SIGLEC9: variants seen among roughly 807,000 people sequenced by gnomAD.
SIGLEC9 encodes sialic acid binding Ig like lectin 9.
A neutral mutation model predicts 38.3 loss-of-function variants in SIGLEC9; 26 were observed. The ratio of observed to expected loss-of-function variants is 0.68; its 90% CI spans 0.50 to 0.94. SIGLEC9 has a LOEUF of 0.94. SIGLEC9 is among the 40% of genes least tolerant of loss of function. The pLI, the probability that SIGLEC9 is intolerant of heterozygous loss-of-function variation, is 0.00. For synonymous variants in SIGLEC9, 236 were observed against 248.0 expected (o/e 0.95, Z 0.45); for missense variants, 556 against 585.7 (o/e 0.95, Z 0.52).
At chr19:51,129,630 A>T (rs780095792) in intron 6 of SIGLEC9, among the ~76,000 whole-genome samples, 2 of 151,606 alleles carry the variant, frequency 1.3e-5, no homozygotes, top group African/African-American at 2.4e-5. Context: ...GCTTACTGCA[A>T]CCTCTGCCTC....
chr19:51,131,699 T>G (rs901822652), downstream of SIGLEC9, among the ~76,000 whole-genome samples: 1 of 150,838 alleles, frequency 6.6e-6, no homozygotes, highest in African/African-American at 2.4e-5. Context: ...GCAAATCACT[T>G]CAGGTCAGGG....
At chr19:51,128,643 A>C in intron 6 of SIGLEC9, 133 bp downstream of exon 6, 1 of 753,400 alleles carries the variant, frequency 1.3e-6, no homozygotes, top group Non-Finnish European at 2.2e-6. Context: ...GTAGCCCCAA[A>C]TCACAATGTT....
In SIGLEC9 at chr19:51,129,901, C is replaced by A; in HGVS notation, c.1214C>A (p.Thr405Asn). 2 of 1,591,556 alleles carry A rather than the reference C, an allele frequency of 1.3e-6. No individual in the cohort carries two copies. The highest frequency in any genetic ancestry group is 1.7e-6 in the Non-Finnish European group (2 of 1,169,584). ...TCTCCCATGTCTCAGGGGCCCCTGA[C>A]TGAACCTTGGGCAGAAGACAGTCCC... is the stretch of plus-strand genomic sequence containing the variant. ...VRGSASQGPLTEPWAEDSPPD... is the reference protein window; with the variant it reads ...VRGSASQGPLNEPWAEDSPPD... Residue 405 changes from threonine (T) to asparagine (N), a missense_variant, in exon 7 of 7, where the codon ACT (threonine) becomes AAT (asparagine). Physicochemically the swap from Thr to Asn is moderately conservative, Grantham distance 65. Coordinates refer to ENST00000250360, the MANE Select transcript of SIGLEC9 (RefSeq NM_014441.3).
At chr19:51,125,449 G>A in intron 1 of SIGLEC9, 54 bp downstream of exon 1, 2 of 1,552,878 alleles carry the variant, frequency 1.3e-6, no homozygotes, top group South Asian at 1.2e-5. Flanking sequence ...GGGCGGCAGG[G>A]AAAGGCTGGG....
At position 51,126,067 on chromosome 19, in the gene SIGLEC9, T is replaced by A. The variant is rs756815947; in HGVS notation, c.701-14T>A. ...CCTCACAGTGATGCGGGTCTCCATG[T>A]CTTTCTGTCCCAGACCCGCCTCAGA... On this transcript the variant is annotated splice_polypyrimidine_tract_variant and intron_variant, in intron 2 of 6. Transcript: ENST00000250360. 2 of 1,613,734 alleles carry A rather than the reference T, an allele frequency of 1.2e-6. No homozygotes were observed. Among genetic ancestry groups the A allele is most frequent in the Non-Finnish European group, 1.7e-6 (2 of 1,179,720 alleles).
At chr19:51,130,326 G>T, downstream of SIGLEC9, 1 of 576,026 alleles carries the variant, frequency 1.7e-6, no homozygotes, top group Non-Finnish European at 2.5e-6. Context: ...CTGTACCTTG[G>T]TTTCCTGCTC....
chr19:51,125,647 T>G lies in SIGLEC9; in HGVS notation c.472T>G (p.Cys158Gly), dbSNP rs533645181. Residue 158 changes from cysteine to glycine, a missense_variant, in exon 2 of 7, where the codon TGC (cysteine) becomes GGC (glycine). Cys to Gly is a radical substitution (Grantham distance 159). Transcript: ENST00000250360. ...ILIPGTLESG[C>G]PQNLTCSVPW... ...CATCCCAGGCACCCTGGAGTCCGGCTGCCCCCAGAATCTGACCTGCTCTGT... is the reference window on the plus strand; with the variant it reads ...CATCCCAGGCACCCTGGAGTCCGGCGGCCCCCAGAATCTGACCTGCTCTGT... The G allele has an allele frequency of 1.2e-6, 2 of 1,613,524 alleles. No homozygotes were observed. Among genetic ancestry groups the G allele is most frequent in the South Asian group, 2.2e-5 (2 of 91,084 alleles).
intron 3 of SIGLEC9, among the ~76,000 whole-genome samples, 178 bp downstream of exon 3, chr19:51,126,306 C>T (rs966416154): frequency 1.3e-5 from 2 of 152,060 alleles, no homozygotes; most frequent in East Asian, 3.9e-4. Context: ...CCATCACCTC[C>T]CTTGGACTCC....
At chr19:51,124,410 C>T (rs1325312894), upstream of SIGLEC9, among the ~76,000 whole-genome samples, 6 of 152,148 alleles carry the variant, frequency 3.9e-5, no homozygotes, top group Non-Finnish European at 8.8e-5. Flanking sequence ...TCAGGAGCCT[C>T]CATGTCTCCC....
chr19:51,134,155 T>TC (rs1029414714), downstream of SIGLEC9, among the ~76,000 whole-genome samples: 2 of 126,114 alleles, frequency 1.6e-5, no homozygotes, highest in Non-Finnish European at 3.3e-5. Context: ...TTCTTTTTTT[T>TC]TTTTTTTTTT....
At chr19:51,130,651 C>A (rs899045213), downstream of SIGLEC9, among the ~76,000 whole-genome samples, 2 of 152,222 alleles carry the variant, frequency 1.3e-5, no homozygotes, top group Admixed American at 1.3e-4. Flanking sequence ...GCTAGGCCGC[C>A]TTACTCTCTG....
Position 51,129,964 on chromosome 19 carries a change from T to A in SIGLEC9, c.1277T>A (p.Val426Glu), listed in dbSNP as rs377533277. 53 of 1,613,628 alleles carry A rather than the reference T, an allele frequency of 3.3e-5. 1 individual carries two copies. In the African/African-American group the frequency reaches 4.0e-4, roughly 12 times the overall value. Reference sequence around the variant, plus strand: ...CCCCCAGCTTCTGCCCGCTCCTCAGTGGGGGAAGGAGAGCTCCAGTATGCA... The same window carrying A: ...CCCCCAGCTTCTGCCCGCTCCTCAGAGGGGGAAGGAGAGCTCCAGTATGCA... ...QPPPASARSS[V>E]GEGELQYASL... The change falls in exon 7 of 7, where the codon GTG (valine) becomes GAG (glutamate). Residue 426 changes from valine (V) to glutamate (E), a missense_variant. By Grantham distance (121) the Val-to-Glu change is moderately radical (BLOSUM62 -2). Transcript: ENST00000250360.
Position 51,129,922 on chromosome 19 carries a change from G to A in SIGLEC9, c.1235G>A (p.Ser412Asn), listed in dbSNP as rs758885343. The change falls in exon 7 of 7, where the codon AGT (serine) becomes AAT (asparagine). Residue 412 changes from serine to asparagine, a missense_variant. Ser to Asn is a conservative substitution (Grantham distance 46). Coordinates refer to ENST00000250360, the MANE Select transcript of SIGLEC9 (RefSeq NM_014441.3). ...GPLTEPWAED[S>N]PPDQPPPASA... Reference sequence around the variant, plus strand: ...CTGACTGAACCTTGGGCAGAAGACAGTCCCCCAGACCAGCCTCCCCCAGCT... The same window carrying A: ...CTGACTGAACCTTGGGCAGAAGACAATCCCCCAGACCAGCCTCCCCCAGCT... 6.2e-7 allele frequency: 1 copy of A among 1,608,346 alleles called. No individual in the cohort carries two copies. Among genetic ancestry groups the A allele is most frequent in the East Asian group, 2.2e-5 (1 of 44,764 alleles).
chr19:51,126,429 G>A (rs1052249655), intron 3 of SIGLEC9, among the ~76,000 whole-genome samples: 1 of 151,960 alleles, frequency 6.6e-6, no homozygotes, highest in African/African-American at 2.4e-5. Context: ...ACCCTTATCT[G>A]TTTATTTCTG....
intron 2 of SIGLEC9, 50 bp from the exon 3 acceptor site, chr19:51,126,031 G>T (rs763122748): frequency 6.3e-7 from 1 of 1,599,288 alleles, no homozygotes; most frequent in Non-Finnish European, 8.6e-7. Context: ...GACAGGGCCA[G>T]TGTCCCCAGC....
chr19:51,127,000 C>T (rs779027655), intron 3 of SIGLEC9, 30 bp from the exon 4 acceptor site: 3 of 1,602,946 alleles, frequency 1.9e-6, no homozygotes, highest in Non-Finnish European at 1.7e-6. Flanking sequence ...ATCTATGTAT[C>T]TCTCTGACCC....
rs374307583 is a variant in SIGLEC9 at position 51,129,367 on chromosome 19, G to T, written c.1204-524G>T. Among the ~76,000 whole-genome samples the T allele has an allele frequency of 3.1e-3, 469 of 151,580 alleles. 8 individuals are homozygous for T. Among genetic ancestry groups the T allele is most frequent in the African/African-American group, 0.011 (443 of 41,120 alleles). On this transcript the variant is annotated intron_variant, in intron 6 of 6. Coordinates refer to ENST00000250360, the MANE Select transcript of SIGLEC9 (RefSeq NM_014441.3). ...GTAGAGACGGGGTTTCACTGTGTTA[G>T]CCAGGATGGTCTCAGTCTCCTGACC... is the stretch of plus-strand genomic sequence containing the variant.
Position 51,129,951 on chromosome 19 carries a change from G to T in SIGLEC9, c.1264G>T (p.Ala422Ser). Reference protein sequence around the residue: ...SPPDQPPPASARSSVGEGELQ... With the variant: ...SPPDQPPPASSRSSVGEGELQ... The stretch of plus-strand genomic sequence containing the variant: ...CCCAGACCAGCCTCCCCCAGCTTCT[G>T]CCCGCTCCTCAGTGGGGGAAGGAGA... The change falls in exon 7 of 7, where the codon GCC becomes TCC. Residue 422 changes from alanine to serine, a missense_variant. By Grantham distance (99) the Ala-to-Ser change is moderately conservative. Transcript: ENST00000250360. 1.2e-6 allele frequency: 2 copies of T among 1,613,692 alleles called. No individual in the cohort carries two copies. Among genetic ancestry groups the T allele is most frequent in the Non-Finnish European group, 1.7e-6 (2 of 1,179,794 alleles).
downstream of SIGLEC9, among the ~76,000 whole-genome samples, chr19:51,134,954 T>C (rs1338276063): frequency 1.4e-4 from 22 of 152,240 alleles, no homozygotes; most frequent in Admixed American, 1.4e-3. Flanking sequence ...AAGAAAGATG[T>C]ATTTTTAACT....
Sources: gnomAD v4.1 joint callset for allele counts (sites outside exome capture counted in the v4.1 genomes callset) on GRCh38, gnomAD v4.1.1 for gene constraint, MANE v1.5 for transcripts, NCBI Gene and HGNC (gene_info 2026-07-23, HGNC 2026-07-21) for gene names.